The following ZNF587 variants were observed in gnomAD, a reference collection of about 807,000 sequenced individuals.
The protein encoded by ZNF587 is zinc finger protein zfp6.
ZNF587 carries 8 observed loss-of-function variants against 7.5 expected under a neutral mutation model. That is an observed-to-expected ratio of 1.06 (90% CI 0.62 to 1.92). The LOEUF (loss-of-function observed/expected upper bound fraction) is 1.92. Ranked by LOEUF, ZNF587 falls within the 40% of genes most tolerant of loss-of-function variation. The probability of loss-of-function intolerance (pLI) is 0.00; values close to 1 mark genes in which losing one functional copy is unlikely to be tolerated. For synonymous variants in ZNF587, 145 were observed against 237.8 expected (o/e 0.61, Z 3.59); for missense variants, 468 against 692.8 (o/e 0.68, Z 3.64).
At position 57,862,016 on chromosome 19, in the gene ZNF587, C is replaced by T. The variant is rs890206401; in HGVS notation, c.*1876C>T. On this transcript the variant is annotated 3_prime_UTR_variant, in exon 3 of 3. Coordinates refer to ENST00000339656, the MANE Select transcript of ZNF587 (RefSeq NM_032828.4). ...CTCTACCTTCTGAGCTCAAGTGATC[C>T]ACCTGCCTCGGCCTCCCAAAGTGCT... 2.6e-5 allele frequency: 4 copies of T among 152,070 alleles called. No individual in the cohort carries two copies. The highest frequency in any genetic ancestry group is 1.3e-4 in the Admixed American group (2 of 15,254). 9.4% of individuals were successfully genotyped at this position (152,070 alleles called of 1,614,324 possible).
intron 1 of ZNF587, chr19:57,852,021 T>C: frequency 3.7e-6 from 1 of 268,512 alleles, no homozygotes; most frequent in Non-Finnish European, 7.0e-6. Flanking sequence ...CCTCAGGCAC[T>C]CCTGGCTGCA....
Position 57,863,537 on chromosome 19 carries a change from A to T in ZNF587, c.*3397A>T, listed in dbSNP as rs192240991. 14 of 152,088 alleles carry T rather than the reference A, an allele frequency of 9.2e-5. No homozygotes were observed. Among genetic ancestry groups the T allele is most frequent in the Admixed American group, 5.9e-4 (9 of 15,264 alleles). The allele number at this position is 152,088 out of a possible 1,614,324, so 9.4% of individuals were successfully genotyped here. On this transcript the variant is annotated 3_prime_UTR_variant, in exon 3 of 3. Transcript: ENST00000339656. ...GTGCTGGGATTATAGGCGTGAGCCA[A>T]CACGCCCTGGCCACTTCTTGTCTTT...
At chr19:57,855,342 C>T (rs1315322592) in intron 1 of ZNF587, among the ~76,000 whole-genome samples, 11 of 152,012 alleles carry the variant, frequency 7.2e-5, no homozygotes, top group Admixed American at 7.2e-4. Context: ...TAGACTATGT[C>T]TCAAAAAAAT....
At position 57,864,845 on chromosome 19, in the gene ZNF587, C is replaced by T. The variant is rs2071487654; in HGVS notation, c.*4705C>T. On this transcript the variant is annotated 3_prime_UTR_variant, in exon 3 of 3. Coordinates refer to ENST00000339656, the MANE Select transcript of ZNF587 (RefSeq NM_032828.4). ...TTTGTAATCAGGGGGAATTAAAGAG[C>T]CTTCCTGGAAAATGGAGGTTGCAAT... 1 of 151,984 alleles carries T rather than the reference C, an allele frequency of 6.6e-6. No homozygotes were observed. Among genetic ancestry groups the T allele is most frequent in the Admixed American group, 6.6e-5 (1 of 15,250 alleles). 9.4% of individuals were successfully genotyped at this position (151,984 alleles called of 1,614,324 possible).
rs2071437040 is a variant in ZNF587 at position 57,861,825 on chromosome 19, T to C, written c.*1685T>C. On this transcript the variant is annotated 3_prime_UTR_variant, in exon 3 of 3. Transcript: ENST00000339656. ...TCTAGCTCTGTCTCCTAAGCTACAG[T>C]GAAGTGGCATGATCTCGGCCCACTG... 7.0e-6 allele frequency: 1 copy of C among 142,228 alleles called. No individual in the cohort carries two copies. The highest frequency in any genetic ancestry group is 1.5e-5 in the Non-Finnish European group (1 of 66,436). The allele number at this position is 142,228 out of a possible 1,614,324, so 8.8% of individuals were successfully genotyped here.
intron 1 of ZNF587, among the ~76,000 whole-genome samples, chr19:57,854,619 G>A (rs945647278): frequency 1.6e-4 from 24 of 151,494 alleles, no homozygotes; most frequent in Non-Finnish European, 2.6e-4. Context: ...GATAAGGCAG[G>A]GTTCCAGGTT....
rs2071440643 is a variant in ZNF587, at chr19:57,862,146, A to G, written c.*2006A>G. ...TTCATGTGGAATCATAAGCGTCCCAAAGTGACAATACATATAGATTGCCAG... is the reference window on the plus strand; with the variant it reads ...TTCATGTGGAATCATAAGCGTCCCAGAGTGACAATACATATAGATTGCCAG... On this transcript the variant is annotated 3_prime_UTR_variant, in exon 3 of 3. Coordinates refer to ENST00000339656, the MANE Select transcript of ZNF587 (RefSeq NM_032828.4). 1 of 152,136 alleles carries G rather than the reference A, an allele frequency of 6.6e-6. No homozygotes were observed. Among genetic ancestry groups the G allele is most frequent in the African/African-American group, 2.4e-5 (1 of 41,424 alleles). 9.4% of individuals were successfully genotyped at this position (152,136 alleles called of 1,614,324 possible). A position where few individuals can be genotyped will look rare whatever the true frequency, so the allele number is the denominator to read the frequency against.
chr19:57,849,907 C>A lies in ZNF587; in HGVS notation c.-132C>A. On this transcript the variant is annotated 5_prime_UTR_variant, in exon 1 of 3. Transcript: ENST00000339656. ...GCGGGTGTTTCCCCAGTTTGTGGCCCCTGAGTGCTGGGTGGGACCGCGGTG... is the reference window on the plus strand; with the variant it reads ...GCGGGTGTTTCCCCAGTTTGTGGCCACTGAGTGCTGGGTGGGACCGCGGTG... 2 of 1,565,202 alleles carry A rather than the reference C, an allele frequency of 1.3e-6. No individual in the cohort carries two copies. Among genetic ancestry groups the A allele is most frequent in the Non-Finnish European group, 1.7e-6 (2 of 1,155,308 alleles).
chr19:57,855,418 TG>T (rs2071339566), intron 1 of ZNF587, among the ~76,000 whole-genome samples: 1 of 151,872 alleles, frequency 6.6e-6, no homozygotes. Context: ...GAAACTCTGG[TG>T]GGGGTGGCCA....
At chr19:57,852,957 A>AT (rs1454420204) in intron 1 of ZNF587, among the ~76,000 whole-genome samples, 1 of 137,556 alleles carries the variant, frequency 7.3e-6, no homozygotes, top group Non-Finnish European at 1.5e-5. Flanking sequence ...GGCTCAAGTG[A>AT]TTCTCCTGCC....
chr19:57,862,762 C>T lies in ZNF587; in HGVS notation c.*2622C>T, dbSNP rs7253130. 43,665 of 154,772 alleles carry T rather than the reference C, an allele frequency of 0.28. 6,534 individuals are homozygous for T. The highest frequency in any genetic ancestry group is 0.43 in the East Asian group (2,241 of 5,154). 9.6% of individuals were successfully genotyped at this position (154,772 alleles called of 1,614,324 possible). On this transcript the variant is annotated 3_prime_UTR_variant, in exon 3 of 3. Coordinates refer to ENST00000339656, the MANE Select transcript of ZNF587 (RefSeq NM_032828.4). The stretch of plus-strand genomic sequence containing the variant: ...GATACTGACAGGGAGATGGGACATT[C>T]TGAGGGACCCGGAGGCAGGGTGCCA...
chr19:57,850,506 TGA>T (rs1265467474), intron 1 of ZNF587: 3 of 473,966 alleles, frequency 6.3e-6, no homozygotes, highest in Non-Finnish European at 1.1e-5. Flanking sequence ...ATGGCAGAAC[TGA>T]TTGACCCAGA....
chr19:57,859,662 T>C lies in ZNF587; in HGVS notation c.1250T>C (p.Phe417Ser), dbSNP rs2071410536. The C allele has an allele frequency of 6.2e-7, 1 of 1,613,774 alleles. No individual in the cohort carries two copies. The highest frequency in any genetic ancestry group is 1.3e-5 in the African/African-American group (1 of 74,856). Reference protein sequence around the residue: ...PYECKECGKSFRYRSHLTEHQ... With the variant: ...PYECKECGKSSRYRSHLTEHQ... ...GAGTGCAAGGAATGTGGGAAATCATTTAGGTACAGATCCCACCTCACTGAA... is the reference window on the plus strand; with the variant it reads ...GAGTGCAAGGAATGTGGGAAATCATCTAGGTACAGATCCCACCTCACTGAA... The change falls in exon 3 of 3, where the codon TTT (phenylalanine) becomes TCT (serine). Residue 417 changes from phenylalanine (F) to serine (S), a missense_variant. Phe to Ser is a radical substitution (Grantham distance 155). Around this residue, in one of 5 missense-constraint regions of ZNF587, gnomAD observed 310 missense variants for 325.6 expected, o/e 0.95. Coordinates refer to ENST00000339656, the MANE Select transcript of ZNF587 (RefSeq NM_032828.4).
chr19:57,854,443 G>T (rs578123792), intron 1 of ZNF587, among the ~76,000 whole-genome samples: 2 of 152,142 alleles, frequency 1.3e-5, no homozygotes, highest in East Asian at 3.9e-4. Context: ...TAGTCTGGAT[G>T]CTTATCCACA....
intron 1 of ZNF587, 91 bp from the exon 2 acceptor site, chr19:57,856,013 A>G (rs1192514684): frequency 1.9e-6 from 3 of 1,564,818 alleles, no homozygotes; most frequent in East Asian, 2.3e-5. Context: ...GGACCTTGGG[A>G]GGAGGATGGG....
chr19:57,860,271 T>C lies in ZNF587; in HGVS notation c.*131T>C. The C allele has an allele frequency of 6.5e-7, 1 of 1,538,154 alleles. No homozygotes were observed. Among genetic ancestry groups the C allele is most frequent in the East Asian group, 2.3e-5 (1 of 44,378 alleles). The stretch of plus-strand genomic sequence containing the variant: ...TCAGAATGTCTGCTGTCCTCGGTCT[T>C]AAGCGACTTCGTGTTGAGATGGAGT... On this transcript the variant is annotated 3_prime_UTR_variant, in exon 3 of 3. Transcript: ENST00000339656.
intron 1 of ZNF587, among the ~76,000 whole-genome samples, chr19:57,853,609 A>G (rs1051807197): frequency 9.2e-5 from 14 of 152,278 alleles, no homozygotes; most frequent in East Asian, 3.9e-4. Context: ...TGACCATCAT[A>G]ACAGGACATT....
At chr19:57,856,356 G>GTT in intron 2 of ZNF587, 123 bp downstream of exon 2, 2 of 1,459,064 alleles carry the variant, frequency 1.4e-6, no homozygotes, top group South Asian at 3.0e-5. Flanking sequence ...ACTTCTCTGT[G>GTT]TAAGTTGTGT....
At position 57,850,190 on chromosome 19, in the gene ZNF587, G is replaced by A. The variant is rs180804443; in HGVS notation, c.33+119G>A. The A allele has an allele frequency of 5.1e-6, 8 of 1,584,138 alleles. No homozygotes were observed. The African/African-American group carries it at 5.4e-5, about 11-fold the overall frequency. On this transcript the variant is annotated intron_variant, in intron 1 of 2. Coordinates refer to ENST00000339656, the MANE Select transcript of ZNF587 (RefSeq NM_032828.4). Reference sequence around the variant, plus strand: ...CGGTACCCGGCGTAGGAACACTGAGGCGCTCACAGGAGGCCTCTCCTTGTA... The same window carrying A: ...CGGTACCCGGCGTAGGAACACTGAGACGCTCACAGGAGGCCTCTCCTTGTA...
Sources: gnomAD v4.1 joint callset for allele counts (sites outside exome capture counted in the v4.1 genomes callset) on GRCh38, gnomAD v4.1.1 for gene constraint, gnomAD v4.1.1 regional missense constraint, MANE v1.5 for transcripts, NCBI Gene and HGNC (gene_info 2026-07-23, HGNC 2026-07-21) for gene names.